Variants in SLC35F4 observed in about 807,000 individuals in gnomAD.
The protein encoded by SLC35F4 is solute carrier family 35 member F4, also known as chromosome 14 open reading frame 36.
Under a neutral mutation model 44.2 loss-of-function variants are expected in SLC35F4, and 24 were observed. That is an observed-to-expected ratio of 0.54 (90% CI 0.39 to 0.76). The LOEUF (loss-of-function observed/expected upper bound fraction) is 0.76, where lower values mean the gene tolerates loss of function less well. SLC35F4 is among the 30% of genes least tolerant of loss of function. The probability of loss-of-function intolerance (pLI) is 0.00; values close to 1 mark genes in which losing one functional copy is unlikely to be tolerated. For missense variants in SLC35F4, 562 were observed against 586.1 expected, an observed-to-expected ratio of 0.96 and a Z score of 0.42; for synonymous variants, 238 against 223.6, an observed-to-expected ratio of 1.06 and a Z score of -0.57.
chr14:57,980,827 A>G (rs1881357415), intron 1 of SLC35F4, among the ~76,000 whole-genome samples: 1 of 152,220 alleles, frequency 6.6e-6, no homozygotes, highest in African/African-American at 2.4e-5. Context: ...CAAAAACTAA[A>G]TAGCTACATG....
chr14:57,584,299 TATTACTG>T (rs1041108658), intron 3 of SLC35F4, among the ~76,000 whole-genome samples: 1 of 152,164 alleles, frequency 6.6e-6, no homozygotes, highest in Non-Finnish European at 1.5e-5. Context: ...ATTATTTTGA[TATTACTG>T]ATAAAAAAAT....
In SLC35F4 at chr14:57,764,883, T is replaced by C. The variant is rs529603634; in HGVS notation, c.103+100840A>G. Reference sequence around the variant, plus strand: ...ACAGGAAAGCAGAGGTATAGCTTTGTAGATAATATTATCTTTAAAGTAGTG... The same window carrying C: ...ACAGGAAAGCAGAGGTATAGCTTTGCAGATAATATTATCTTTAAAGTAGTG... On this transcript the variant is annotated intron_variant, in intron 1 of 7. Coordinates refer to ENST00000556826, the MANE Select transcript of SLC35F4 (RefSeq NM_001306087.2). Among the ~76,000 whole-genome samples the C allele has an allele frequency of 2.6e-5, 4 of 152,336 alleles. No homozygotes were observed. In the East Asian group the frequency reaches 7.7e-4, roughly 29 times the overall value.
chr14:57,644,366 C>T (rs924453914), intron 1 of SLC35F4, among the ~76,000 whole-genome samples: 3 of 152,084 alleles, frequency 2.0e-5, no homozygotes, highest in African/African-American at 7.2e-5. Flanking sequence ...CTCTGATGGC[C>T]AGTGATGATG....
chr14:57,902,146 A>G (rs1889014003), intron 1 of SLC35F4, among the ~76,000 whole-genome samples: 1 of 152,130 alleles, frequency 6.6e-6, no homozygotes, highest in East Asian at 1.9e-4. Flanking sequence ...GCCATCCAAT[A>G]CTTCTTTACT....
intron 1 of SLC35F4, among the ~76,000 whole-genome samples, chr14:57,723,601 T>G (rs1261447057): frequency 6.6e-6 from 1 of 152,244 alleles, no homozygotes. Flanking sequence ...CATCTCCTGG[T>G]ACCTGGTATG....
intron 1 of SLC35F4, among the ~76,000 whole-genome samples, chr14:57,901,594 A>T (rs117774976): frequency 0.051 from 7,746 of 152,224 alleles, 297 homozygotes; most frequent in Middle Eastern, 0.1. Context: ...TACCTGGATG[A>T]TCTGTGCAGC....
intron 1 of SLC35F4, among the ~76,000 whole-genome samples, chr14:57,978,163 C>T (rs1881273325): frequency 6.6e-6 from 1 of 152,028 alleles, no homozygotes; most frequent in Non-Finnish European, 1.5e-5. Flanking sequence ...GGATGGCATC[C>T]CTCACCAAGG....
At chr14:57,608,996 G>A (rs918026761) in intron 1 of SLC35F4, among the ~76,000 whole-genome samples, 4 of 152,138 alleles carry the variant, frequency 2.6e-5, no homozygotes, top group East Asian at 1.9e-4. Context: ...GAAAGCGCAT[G>A]CAGGAAGTAT....
Position 57,916,275 on chromosome 14 carries a change from G to A in SLC35F4, n.282+65638C>T, listed in dbSNP as rs141754279. On this transcript the variant is annotated intron_variant and non_coding_transcript_variant, in intron 1 of 1. Transcript: ENST00000556568. ...CCATTAATCTATTGATGAGGGCAGC[G>A]CCATCACAACCTAATCAGCTCTTAA... Among the ~76,000 whole-genome samples, 219 of 152,212 alleles carry A rather than the reference G, an allele frequency of 1.4e-3. 1 individual carries two copies. Among genetic ancestry groups the A allele is most frequent in the East Asian group, 0.011 (58 of 5,176 alleles).
intron 1 of SLC35F4, among the ~76,000 whole-genome samples, chr14:57,801,983 A>G (rs1357605304): frequency 2.0e-5 from 3 of 152,238 alleles, no homozygotes; most frequent in Non-Finnish European, 4.4e-5. Flanking sequence ...AGTGGACCCA[A>G]TAGATATCTA....
chr14:57,603,721 C>T (rs545475472), intron 1 of SLC35F4, among the ~76,000 whole-genome samples: 1 of 152,270 alleles, frequency 6.6e-6, no homozygotes, highest in Admixed American at 6.5e-5. Flanking sequence ...TTTTTCAAGG[C>T]TGGGTGACCC....
chr14:57,953,333 A>G (rs1184488009), intron 1 of SLC35F4, among the ~76,000 whole-genome samples: 2 of 152,200 alleles, frequency 1.3e-5, no homozygotes, highest in Non-Finnish European at 2.9e-5. Flanking sequence ...AAAATATACC[A>G]AATTGTAAAG....
intron 1 of SLC35F4, among the ~76,000 whole-genome samples, chr14:57,695,406 A>C (rs1311830067): frequency 6.6e-6 from 1 of 151,758 alleles, no homozygotes; most frequent in African/African-American, 2.4e-5. Context: ...TGCAGCCAAA[A>C]AACACATGAA....
intron 1 of SLC35F4, among the ~76,000 whole-genome samples, chr14:57,715,836 G>C (rs542056801): frequency 1.3e-5 from 2 of 152,266 alleles, no homozygotes; most frequent in South Asian, 4.1e-4. Flanking sequence ...AAGGGTTCAA[G>C]ATGGCATAGG....
intron 1 of SLC35F4, among the ~76,000 whole-genome samples, chr14:57,609,121 G>T (rs963990277): frequency 8.5e-5 from 13 of 152,178 alleles, no homozygotes; most frequent in African/African-American, 3.1e-4. Context: ...TGTTATGCGG[G>T]AGGTAGGGAC....
At chr14:57,629,869 G>A (rs2072679861) in intron 1 of SLC35F4, 1 of 360,890 alleles carries the variant, frequency 2.8e-6, no homozygotes, top group South Asian at 2.2e-5. Context: ...TGCTGAGACT[G>A]CTAGTGCTCT....
intron 6 of SLC35F4, among the ~76,000 whole-genome samples, chr14:57,567,852 A>C (rs1508945): frequency 0.024 from 3,579 of 152,290 alleles, 69 homozygotes; most frequent in Non-Finnish European, 0.036. Context: ...ATTTGGGCTA[A>C]CACATTTCCT....
At chr14:57,858,764 C>T (rs1286575070) in intron 1 of SLC35F4, among the ~76,000 whole-genome samples, 1 of 150,252 alleles carries the variant, frequency 6.7e-6, no homozygotes, top group African/African-American at 2.5e-5. Flanking sequence ...GAGACTATGA[C>T]CAGAGTGTGC....
chr14:57,579,036 C>T (rs1418527176), intron 4 of SLC35F4: 2 of 152,184 alleles, frequency 1.3e-5, no homozygotes, highest in African/African-American at 2.4e-5. Context: ...GGCTGGTGAC[C>T]ACATCACTCC....
Sources: allele counts gnomAD v4.1 joint callset (sites outside exome capture counted in the v4.1 genomes callset), GRCh38; gene constraint gnomAD v4.1.1; transcripts MANE v1.5; gene names NCBI Gene and HGNC (gene_info 2026-07-23, HGNC 2026-07-21).